Variants in SNURF observed in about 807,000 individuals in gnomAD.
The protein encoded by SNURF is SNRPN upstream open reading frame, also known as SNURF protein.
A neutral mutation model predicts 11.6 loss-of-function variants in SNURF; 6 were observed. The ratio of observed to expected loss-of-function variants is 0.52; its 90% CI spans 0.28 to 1.02. The LOEUF (loss-of-function observed/expected upper bound fraction) is 1.02, where lower values mean the gene tolerates loss of function less well. Ranked by LOEUF, SNURF falls within the 50% of genes least tolerant of loss-of-function variation. The probability of loss-of-function intolerance (pLI) is 0.09; values close to 1 mark genes in which losing one functional copy is unlikely to be tolerated. For synonymous variants in SNURF, 29 were observed against 31.6 expected (o/e 0.92, Z 0.27); for missense variants, 84 against 88.4 (o/e 0.95, Z 0.20).
chr15:24,959,108 T>C (rs2074360311), intron 1 of SNURF, among the ~76,000 whole-genome samples: 1 of 152,218 alleles, frequency 6.6e-6, no homozygotes, highest in Non-Finnish European at 1.5e-5. Context: ...CTTTTTGCTT[T>C]TCAATATATT....
Position 24,967,928 on chromosome 15 carries a change from G to GT in SNURF, c.111-3dup. 1 of 1,611,284 alleles carries GT rather than the reference G, an allele frequency of 6.2e-7. No homozygotes were observed. The highest frequency in any genetic ancestry group is 8.5e-7 in the Non-Finnish European group (1 of 1,178,162). On this transcript the variant is annotated splice_region_variant and splice_polypyrimidine_tract_variant and intron_variant, in intron 2 of 2. Coordinates refer to ENST00000577949, the Ensembl canonical transcript of SNURF. ...CATTTATATATATTGTGCTCTTGTT[G>GT]TAGGTGTCAGTTGTACCCGAGGCGT...
At chr15:24,974,531 TGATCTTG>T in intron 3 of SNURF, 1 of 1,362,668 alleles carries the variant, frequency 7.3e-7, no homozygotes, top group Non-Finnish European at 1.1e-6. Flanking sequence ...GCATGTGCAG[TGATCTTG>T]GGTTCTGAAT....
chr15:24,964,170 T>A (rs1566961713), intron 2 of SNURF, among the ~76,000 whole-genome samples: 1 of 152,228 alleles, frequency 6.6e-6, no homozygotes, highest in African/African-American at 2.4e-5. Context: ...TTTCATTTTT[T>A]AAAATTGCTT....
chr15:24,958,938 G>T (rs1030597761), intron 1 of SNURF: 2 of 152,484 alleles, frequency 1.3e-5, no homozygotes, highest in South Asian at 2.1e-4. Flanking sequence ...GACTGGTCTC[G>T]AACTCCTGGA....
chr15:24,971,804 A>G (rs963857629), downstream of SNURF, among the ~76,000 whole-genome samples: 39 of 152,212 alleles, frequency 2.6e-4, no homozygotes, highest in African/African-American at 9.2e-4. Flanking sequence ...GCATGAAGCA[A>G]TGATTTAAGT....
chr15:24,978,075 G>T, downstream of SNURF: 1 of 1,210,228 alleles, frequency 8.3e-7, no homozygotes, highest in Non-Finnish European at 1.2e-6. Context: ...TTGTCATATA[G>T]AAGTTATTTG....
rs374400749 is a variant in SNURF, at chr15:24,975,339, C to G, written c.*46-19C>G. On this transcript the variant is annotated intron_variant and NMD_transcript_variant, in intron 3 of 6. Coordinates refer to the SNURF transcript ENST00000580062. ...GGGTGTTGGCAAGCTGAACATGACT[C>G]TTGTCTTACTGCTTCTAGACTGTTG... The G allele has an allele frequency of 2.4e-5, 38 of 1,607,858 alleles. No individual in the cohort carries two copies. The African/African-American group carries it at 4.7e-4, about 20-fold the overall frequency.
intron 1 of SNURF, among the ~76,000 whole-genome samples, chr15:24,956,620 CT>C (rs1284940856): frequency 2.0e-5 from 3 of 152,314 alleles, no homozygotes; most frequent in African/African-American, 4.8e-5. Context: ...GCTTACGCAG[CT>C]TTTGCCTGGA....
intron 1 of SNURF, among the ~76,000 whole-genome samples, chr15:24,956,355 G>GGGGT (rs563996697): frequency 0.014 from 951 of 66,084 alleles, 30 homozygotes; most frequent in African/African-American, 0.042. Context: ...GCGCTTCAGC[G>GGGGT]GGGGGGTGGC....
intron 6 of SNURF, chr15:24,977,636 CA>C (rs200156917): frequency 3.3e-4 from 265 of 811,314 alleles, no homozygotes; most frequent in South Asian, 4.5e-4. Context: ...GAAACTGTCT[CA>C]AAAAAAAACA....
chr15:24,974,894 CAGG>C (rs2076888807), intron 3 of SNURF: 1 of 702,352 alleles, frequency 1.4e-6, no homozygotes, highest in African/African-American at 1.7e-5. Flanking sequence ...TGAGAAAATA[CAGG>C]AGTTTTTGGT....
chr15:24,956,589 A>G (rs1254885640), intron 1 of SNURF, among the ~76,000 whole-genome samples: 2 of 152,196 alleles, frequency 1.3e-5, no homozygotes, highest in Admixed American at 6.5e-5. Flanking sequence ...GTGGGGCGAG[A>G]CGTGGGGCAG....
intron 1 of SNURF, among the ~76,000 whole-genome samples, chr15:24,958,461 A>G (rs1348174333): frequency 1.1e-5 from 1 of 92,722 alleles, no homozygotes; most frequent in Non-Finnish European, 2.2e-5. Flanking sequence ...GCCTCTCTCC[A>G]TTTCTGGATG....
intron 2 of SNURF, chr15:24,966,921 C>G (rs220032): frequency 6.6e-6 from 1 of 152,152 alleles, no homozygotes; most frequent in Non-Finnish European, 1.5e-5. Flanking sequence ...GTTACTGATT[C>G]ATAGGGGTAT....
downstream of SNURF, chr15:24,978,623 G>T: frequency 1.6e-6 from 1 of 641,286 alleles, no homozygotes; most frequent in East Asian, 2.7e-5. Flanking sequence ...TGATTTTGAT[G>T]AGATCTTAAG....
At chr15:24,972,032 G>C (rs2076474287), downstream of SNURF, among the ~76,000 whole-genome samples, 1 of 152,078 alleles carries the variant, frequency 6.6e-6, no homozygotes, top group Admixed American at 6.5e-5. Flanking sequence ...GAGGCCGGCA[G>C]GTCACCTGAA....
chr15:24,963,062 C>T (rs1393897340), intron 2 of SNURF, among the ~76,000 whole-genome samples: 5 of 152,020 alleles, frequency 3.3e-5, no homozygotes, highest in African/African-American at 1.2e-4. Context: ...CAGACCTTGT[C>T]CTATGCATTG....
intron 2 of SNURF, among the ~76,000 whole-genome samples, chr15:24,965,135 T>A (rs2075421656): frequency 6.6e-6 from 1 of 152,220 alleles, no homozygotes; most frequent in Admixed American, 6.5e-5. Flanking sequence ...TAGAATGTTA[T>A]ACTAGAAGTG....
intron 1 of SNURF, among the ~76,000 whole-genome samples, chr15:24,959,104 G>A (rs1301112614): frequency 2.0e-5 from 3 of 152,164 alleles, no homozygotes; most frequent in African/African-American, 4.8e-5. Flanking sequence ...ATTGCTTTTT[G>A]CTTTTCAATA....
Sources: allele counts gnomAD v4.1 joint callset (sites outside exome capture counted in the v4.1 genomes callset), GRCh38; gene constraint gnomAD v4.1.1; transcripts MANE v1.5; gene names NCBI Gene and HGNC (gene_info 2026-07-23, HGNC 2026-07-21).